The following UNG variants were observed in gnomAD, a reference collection of about 807,000 sequenced individuals.
UNG encodes uracil DNA glycosylase, also known as uracil-DNA glycosylase.
Under a neutral mutation model 36.5 loss-of-function variants are expected in UNG, and 34 were observed. That is an observed-to-expected ratio of 0.93 (90% CI 0.71 to 1.24). UNG has a LOEUF of 1.24. Ranked by LOEUF, UNG falls within the 50% of genes most tolerant of loss-of-function variation. UNG has a pLI of 0.00. For synonymous variants in UNG, 172 were observed against 157.8 expected (o/e 1.09, Z -0.67); for missense variants, 391 against 397.6 (o/e 0.98, Z 0.14).
Position 109,110,047 on chromosome 12 carries a change from TATTA to T in UNG, c.*82_*85del. ...TACGAAGTTCCACTGAAAATTTTCC[TATTA>T]ATTCTTAAGTACTCTGCATAAGGGG... On this transcript the variant is annotated 3_prime_UTR_variant, in exon 7 of 7. Coordinates refer to ENST00000242576, the MANE Select transcript of UNG (RefSeq NM_080911.3). 2 of 1,601,298 alleles carry T rather than the reference TATTA, an allele frequency of 1.2e-6. No individual in the cohort carries two copies. Among genetic ancestry groups the T allele is most frequent in the Non-Finnish European group, 8.5e-7 (1 of 1,172,616 alleles).
At chr12:109,106,982 C>T (rs2042222992) in intron 6 of UNG, among the ~76,000 whole-genome samples, 1 of 111,478 alleles carries the variant, frequency 9.0e-6, no homozygotes, top group Non-Finnish European at 1.9e-5. Context: ...ACACAAATGC[C>T]TACCATTGTG....
At chr12:109,109,571 T>G (rs958688048) in intron 6 of UNG, among the ~76,000 whole-genome samples, 2 of 150,918 alleles carry the variant, frequency 1.3e-5, no homozygotes, top group Non-Finnish European at 2.9e-5. Context: ...GATCACGAGG[T>G]CAAGAGATCG....
At position 109,098,607 on chromosome 12, in the gene UNG, G is replaced by T; in HGVS notation, c.308G>T (p.Ser103Ile). ...GFGESWKKHL[S>I]GEFGKPYFIK... is the part of the protein sequence containing the mutation. ...GGAGAGAGCTGGAAGAAGCACCTCA[G>T]CGGGGAGTTCGGGAAACCGTATTTT... is the stretch of plus-strand genomic sequence containing the variant. Residue 103 changes from serine (S) to isoleucine (I), a missense_variant, in exon 2 of 7, where the codon AGC becomes ATC. Physicochemically the swap from Ser to Ile is moderately radical, Grantham distance 142. Coordinates refer to ENST00000242576, the MANE Select transcript of UNG (RefSeq NM_080911.3). 2 of 1,613,610 alleles carry T rather than the reference G, an allele frequency of 1.2e-6. No individual in the cohort carries two copies. Among genetic ancestry groups the T allele is most frequent in the Non-Finnish European group, 1.7e-6 (2 of 1,180,046 alleles).
Position 109,110,492 on chromosome 12 carries a change from C to G in UNG, c.*523C>G, listed in dbSNP as rs2042252891. Reference sequence around the variant, plus strand: ...CTCGCAGCATAAGGATGTTTTGCAACTTTCCAGAATCTGGCCCAGAAATTA... The same window carrying G: ...CTCGCAGCATAAGGATGTTTTGCAAGTTTCCAGAATCTGGCCCAGAAATTA... On this transcript the variant is annotated 3_prime_UTR_variant, in exon 7 of 7. Coordinates refer to ENST00000242576, the MANE Select transcript of UNG (RefSeq NM_080911.3). The G allele has an allele frequency of 6.1e-6, 1 of 165,116 alleles. No individual in the cohort carries two copies. The highest frequency in any genetic ancestry group is 1.6e-4 in the South Asian group (1 of 6,216). The allele number at this position is 165,116 out of a possible 1,614,324, so 10.2% of individuals were successfully genotyped here. A position where few individuals can be genotyped will look rare whatever the true frequency, so the allele number is the denominator to read the frequency against.
intron 2 of UNG, 79 bp downstream of exon 2, chr12:109,098,717 A>G: frequency 6.3e-7 from 1 of 1,592,460 alleles, no homozygotes; most frequent in Non-Finnish European, 8.6e-7. Flanking sequence ...TAGCCGGCCA[A>G]GTTCATGTTT....
chr12:109,098,747 C>T (rs572407210), intron 2 of UNG, 109 bp downstream of exon 2: 1 of 1,388,130 alleles, frequency 7.2e-7, no homozygotes, highest in East Asian at 2.4e-5. Flanking sequence ...TAGGTTGTAC[C>T]CCCTTCAACC....
chr12:109,101,853 C>T, intron 3 of UNG, 49 bp from the exon 4 acceptor site: 1 of 1,502,414 alleles, frequency 6.7e-7, no homozygotes, highest in Non-Finnish European at 9.3e-7. Flanking sequence ...AGGGTCTGTG[C>T]TGCTTACATT....
chr12:109,110,896 C>T lies in UNG; in HGVS notation c.*927C>T, dbSNP rs1302817480. The stretch of plus-strand genomic sequence containing the variant: ...AGAGACGGTCTTTATTGGGTCTGCA[C>T]CTCCATCCTTGATCTTGTTAGCAAT... On this transcript the variant is annotated 3_prime_UTR_variant, in exon 7 of 7. Coordinates refer to ENST00000242576, the MANE Select transcript of UNG (RefSeq NM_080911.3). 2 of 152,056 alleles carry T rather than the reference C, an allele frequency of 1.3e-5. No individual in the cohort carries two copies. Among genetic ancestry groups the T allele is most frequent in the Admixed American group, 6.5e-5 (1 of 15,268 alleles). 9.4% of individuals were successfully genotyped at this position (152,056 alleles called of 1,614,324 possible).
At chr12:109,109,264 G>A (rs551666452) in intron 6 of UNG, among the ~76,000 whole-genome samples, 1 of 152,234 alleles carries the variant, frequency 6.6e-6, no homozygotes, top group South Asian at 2.1e-4. Flanking sequence ...CAGTATGATA[G>A]GGACACTTGA....
At chr12:109,099,760 C>A (rs868012860) in intron 3 of UNG, among the ~76,000 whole-genome samples, 12 of 152,132 alleles carry the variant, frequency 7.9e-5, no homozygotes, top group Non-Finnish European at 1.8e-4. Context: ...TGCTGGTTGG[C>A]GGCTCTCATC....
rs1300353514 is a variant in UNG at position 109,110,020 on chromosome 12, G to T, written c.*51G>T. 6.2e-7 allele frequency: 1 copy of T among 1,613,164 alleles called. No homozygotes were observed. Among genetic ancestry groups the T allele is most frequent in the South Asian group, 1.1e-5 (1 of 91,044 alleles). On this transcript the variant is annotated 3_prime_UTR_variant, in exon 7 of 7. Coordinates refer to ENST00000242576, the MANE Select transcript of UNG (RefSeq NM_080911.3). ...GAAGCTGCTGTTAACGTATTTGCCA[G>T]TTACGAAGTTCCACTGAAAATTTTC...
chr12:109,100,366 C>A (rs1204726039), intron 3 of UNG, among the ~76,000 whole-genome samples: 1 of 151,988 alleles, frequency 6.6e-6, no homozygotes, highest in Non-Finnish European at 1.5e-5. Flanking sequence ...CCGTTTTCCT[C>A]CCCCGTTTTG....
intron 1 of UNG, chr12:109,098,156 G>C: frequency 7.2e-7 from 1 of 1,394,684 alleles, no homozygotes; most frequent in Non-Finnish European, 9.3e-7. Flanking sequence ...GGGTCTGGCG[G>C]GGGCGGGGCA....
Position 109,109,954 on chromosome 12 carries a change from C to T in UNG, c.927C>T (p.Asp309=), listed in dbSNP as rs773114396. 1 of 1,614,128 alleles carries T rather than the reference C, an allele frequency of 6.2e-7. No homozygotes were observed. The highest frequency in any genetic ancestry group is 8.5e-7 in the Non-Finnish European group (1 of 1,180,026). ...AGAAGTCTGGCAAGAAGCCCATTGACTGGAAGGAGCTGTGATCATCAGCTG... is the reference window on the plus strand; with the variant it reads ...AGAAGTCTGGCAAGAAGCCCATTGATTGGAAGGAGCTGTGATCATCAGCTG... The part of the protein sequence containing the change: ...LLQKSGKKPI[D]WKEL The change falls in exon 7 of 7, where the codon GAC becomes GAT. Residue 309 remains aspartate (D), a synonymous_variant. Transcript: ENST00000242576.
chr12:109,101,554 A>C (rs2042176953), intron 3 of UNG, among the ~76,000 whole-genome samples: 1 of 151,968 alleles, frequency 6.6e-6, no homozygotes. Context: ...AAAAAGTAAA[A>C]AAAAAATTAG....
Position 109,098,582 on chromosome 12 carries a change from G to A in UNG, c.283G>A (p.Gly95Arg), listed in dbSNP as rs527285906. ...LAARNVPVGFGESWKKHLSGE... is the reference protein window; with the variant it reads ...LAARNVPVGFRESWKKHLSGE... ...GGCCCGCAACGTGCCCGTGGGCTTTGGAGAGAGCTGGAAGAAGCACCTCAG... is the reference window on the plus strand; with the variant it reads ...GGCCCGCAACGTGCCCGTGGGCTTTAGAGAGAGCTGGAAGAAGCACCTCAG... Residue 95 changes from glycine (G) to arginine (R), a missense_variant, in exon 2 of 7, where the codon GGA becomes AGA. Physicochemically the swap from Gly to Arg is moderately radical, Grantham distance 125 (BLOSUM62 -2). Coordinates refer to ENST00000242576, the MANE Select transcript of UNG (RefSeq NM_080911.3). 6 of 1,613,496 alleles carry A rather than the reference G, an allele frequency of 3.7e-6. No homozygotes were observed. In the South Asian group the frequency reaches 6.6e-5, roughly 18 times the overall value.
At chr12:109,106,389 C>T (rs1034992837) in intron 6 of UNG, among the ~76,000 whole-genome samples, 6 of 152,102 alleles carry the variant, frequency 3.9e-5, no homozygotes, top group Non-Finnish European at 7.3e-5. Context: ...CCCCTCATCG[C>T]CCCTCCTGGA....
At position 109,109,178 on chromosome 12, in the gene UNG, G is replaced by T. The variant is rs3219267; in HGVS notation, c.802-651G>T. On this transcript the variant is annotated intron_variant, in intron 6 of 6. Transcript: ENST00000242576. ...TTAACCCCATCCATTGTGTTAATAA[G>T]TTGAGGAGTTTATCTGTGTGTGTAT... Among the ~76,000 whole-genome samples the T allele has an allele frequency of 9.2e-3, 1,405 of 152,258 alleles. 27 individuals carry two copies. The highest frequency in any genetic ancestry group is 0.031 in the African/African-American group (1,295 of 41,536).
chr12:109,110,123 C>A lies in UNG; in HGVS notation c.*154C>A. ...CATGAACCAGGCTGTCCAGGAATGG[C>A]AGCTGTATCCAACCACAAACAACAA... On this transcript the variant is annotated 3_prime_UTR_variant, in exon 7 of 7. Coordinates refer to ENST00000242576, the MANE Select transcript of UNG (RefSeq NM_080911.3). 6.2e-6 allele frequency: 6 copies of A among 968,098 alleles called. No homozygotes were observed. The South Asian group carries it at 7.4e-5, about 12-fold the overall frequency. 60.0% of individuals were successfully genotyped at this position (968,098 alleles called of 1,614,324 possible).
Sources: allele counts gnomAD v4.1 joint callset (sites outside exome capture counted in the v4.1 genomes callset), GRCh38; gene constraint gnomAD v4.1.1; transcripts MANE v1.5; gene names NCBI Gene and HGNC (gene_info 2026-07-23, HGNC 2026-07-21).